Variants in GALNT13 observed in about 807,000 individuals in gnomAD.
GALNT13 encodes UDP-GalNAc:polypeptide N-acetylgalactosaminyltransferase 13.
In GALNT13, 28 loss-of-function variants were observed where a neutral mutation model predicts 64.2. That is an observed-to-expected ratio of 0.44 (90% CI 0.32 to 0.60). The LOEUF is 0.60. GALNT13 is among the 20% of genes least tolerant of loss of function. The pLI, the probability that GALNT13 is intolerant of heterozygous loss-of-function variation, is 0.05. For synonymous variants in GALNT13, 214 were observed against 224.6 expected (o/e 0.95, Z 0.42); for missense variants, 577 against 669.8 (o/e 0.86, Z 1.53).
intron 4 of GALNT13, among the ~76,000 whole-genome samples, chr2:154,241,556 CA>C (rs1689490748): frequency 6.6e-6 from 1 of 152,286 alleles, no homozygotes; most frequent in Non-Finnish European, 1.5e-5. Flanking sequence ...ATAGCATCCT[CA>C]AATGGAATTA....
At chr2:153,391,282 G>T in the GALNT13 span, among the ~76,000 whole-genome samples, 1 of 152,018 alleles carries the variant, frequency 6.6e-6, no homozygotes, top group Non-Finnish European at 1.5e-5. Context: ...GGAGACAAGG[G>T]AGCAGAAACA....
intron 4 of GALNT13, among the ~76,000 whole-genome samples, chr2:154,176,634 G>A (rs915988080): frequency 1.1e-4 from 17 of 151,872 alleles, no homozygotes; most frequent in African/African-American, 3.9e-4. Flanking sequence ...TTTGGTTTAT[G>A]GTACATATTT....
At chr2:154,348,357 A>AAAT in intron 9 of GALNT13, among the ~76,000 whole-genome samples, 1 of 151,976 alleles carries the variant, frequency 6.6e-6, no homozygotes, top group Non-Finnish European at 1.5e-5. Context: ...GGCACTTGTT[A>AAAT]TATACTCACT....
At chr2:153,124,011 G>T in the GALNT13 span, among the ~76,000 whole-genome samples, 1 of 152,150 alleles carries the variant, frequency 6.6e-6, no homozygotes, top group Non-Finnish European at 1.5e-5. Flanking sequence ...GTTCTATCTT[G>T]TTCACTCACT....
intron 2 of GALNT13, among the ~76,000 whole-genome samples, chr2:153,903,348 A>T (rs1258633623): frequency 6.6e-6 from 1 of 152,210 alleles, no homozygotes; most frequent in South Asian, 2.1e-4. Context: ...AAAACGTAAC[A>T]CTCAGCATAT....
intron 3 of GALNT13, among the ~76,000 whole-genome samples, chr2:154,047,388 C>T (rs553124579): frequency 6.6e-5 from 10 of 152,128 alleles, no homozygotes; most frequent in East Asian, 3.9e-4. Context: ...ATCAGAAACA[C>T]GCTTCTTTGA....
chr2:153,172,473 C>T, the GALNT13 span, among the ~76,000 whole-genome samples: 3 of 152,050 alleles, frequency 2.0e-5, no homozygotes, highest in African/African-American at 7.2e-5. Context: ...TCACTGCCAA[C>T]CCTAAGGGGA....
chr2:153,337,598 T>C, the GALNT13 span: 1 of 152,232 alleles, frequency 6.6e-6, no homozygotes, highest in Non-Finnish European at 1.5e-5. Context: ...GACAGTAAAC[T>C]ATAAAAGTAT....
chr2:153,958,805 T>C (rs938851915), intron 3 of GALNT13, among the ~76,000 whole-genome samples: 15 of 152,098 alleles, frequency 9.9e-5, no homozygotes, highest in African/African-American at 3.6e-4. Context: ...GATAAACAAA[T>C]GGCTGTGGAA....
At chr2:153,932,108 G>T (rs1221682685) in intron 2 of GALNT13, among the ~76,000 whole-genome samples, 6 of 151,928 alleles carry the variant, frequency 3.9e-5, no homozygotes, top group Non-Finnish European at 8.8e-5. Context: ...ATAGTCTGAG[G>T]TTTTTTGTAT....
chr2:153,814,370 G>A, the GALNT13 span, among the ~76,000 whole-genome samples: 1 of 152,184 alleles, frequency 6.6e-6, no homozygotes, highest in African/African-American at 2.4e-5. Flanking sequence ...AACCCGGGAG[G>A]CGGAGCTTGC....
At chr2:154,015,802 T>A (rs915485629) in intron 3 of GALNT13, among the ~76,000 whole-genome samples, 1 of 152,216 alleles carries the variant, frequency 6.6e-6, no homozygotes, top group East Asian at 1.9e-4. Flanking sequence ...GTCATGATTT[T>A]GTACTCTCCT....
chr2:154,154,344 C>T (rs1684271647), intron 4 of GALNT13, among the ~76,000 whole-genome samples: 1 of 152,152 alleles, frequency 6.6e-6, no homozygotes. Context: ...GAGGAGAAAA[C>T]AACTCAATTA....
In GALNT13 at chr2:154,049,457, A is replaced by G. The variant is rs575777929; in HGVS notation, c.143-90880A>G. ...ATACTATTCATTGTGATATATATAT[A>G]TAATGGTATATATATATTTCACTGT... On this transcript the variant is annotated intron_variant, in intron 3 of 12. Transcript: ENST00000392825. 2.4e-3 allele frequency among the ~76,000 whole-genome samples: 351 copies of G among 147,576 alleles called. 4 individuals are homozygous for G. The highest frequency in any genetic ancestry group is 7.8e-3 in the African/African-American group (319 of 40,758).
intron 3 of GALNT13, among the ~76,000 whole-genome samples, chr2:153,971,754 C>A (rs1467925010): frequency 6.6e-6 from 1 of 151,948 alleles, no homozygotes; most frequent in East Asian, 1.9e-4. Context: ...ACCTGTAAAT[C>A]TTTTCATATT....
the GALNT13 span, among the ~76,000 whole-genome samples, chr2:153,694,327 A>G: frequency 6.6e-6 from 1 of 152,156 alleles, no homozygotes; most frequent in Non-Finnish European, 1.5e-5. Context: ...TATTTTGCCT[A>G]TTCTCTCAAA....
intron 3 of GALNT13, among the ~76,000 whole-genome samples, chr2:153,984,932 G>T (rs1408052927): frequency 6.6e-6 from 1 of 151,604 alleles, no homozygotes; most frequent in Admixed American, 6.6e-5. Flanking sequence ...AAGGAGTTCT[G>T]TGATAAAATA....
intron 2 of GALNT13, among the ~76,000 whole-genome samples, chr2:153,933,429 A>G (rs898833440): frequency 1.4e-4 from 21 of 152,164 alleles, no homozygotes; most frequent in African/African-American, 4.8e-4. Flanking sequence ...ATTATTGTCC[A>G]TACCTTTACT....
chr2:154,105,262 A>G (rs573760266), intron 3 of GALNT13, among the ~76,000 whole-genome samples: 1 of 152,210 alleles, frequency 6.6e-6, no homozygotes, highest in African/African-American at 2.4e-5. Flanking sequence ...TGATCTCTGT[A>G]GCTAGTGATT....
Sources: gnomAD v4.1 joint callset for allele counts (sites outside exome capture counted in the v4.1 genomes callset) on GRCh38, gnomAD v4.1.1 for gene constraint, MANE v1.5 for transcripts, NCBI Gene and HGNC (gene_info 2026-07-23, HGNC 2026-07-21) for gene names.